The following TBCK variants were observed in gnomAD, a reference collection of about 807,000 sequenced individuals.
The protein encoded by TBCK is TBC1 domain containing kinase.
Under a neutral mutation model 113.4 loss-of-function variants are expected in TBCK, and 99 were observed. The observed-to-expected ratio is 0.87, with a 90% CI of 0.74 to 1.03. The LOEUF (loss-of-function observed/expected upper bound fraction) is 1.03, where lower values mean the gene tolerates loss of function less well. TBCK is among the 50% of genes least tolerant of loss of function. The pLI is 0.00. For synonymous variants in TBCK, 369 were observed against 370.8 expected, an observed-to-expected ratio of 1.00 and a Z score of 0.05; for missense variants, 1,045 against 1,061.3, an observed-to-expected ratio of 0.98 and a Z score of 0.21.
At chr4:106,265,282 T>TGCTATGAGGTAC in intron 3 of TBCK, among the ~76,000 whole-genome samples, 1 of 152,062 alleles carries the variant, frequency 6.6e-6, no homozygotes, top group South Asian at 2.1e-4. Context: ...TATATATATC[T>TGCTATGAGGTAC]ATGAGGTACA....
At chr4:106,053,508 G>C (rs1735047723) in intron 25 of TBCK, among the ~76,000 whole-genome samples, 1 of 151,498 alleles carries the variant, frequency 6.6e-6, no homozygotes, top group South Asian at 2.1e-4. Context: ...CATCTCCCTT[G>C]GTGGATTTAT....
chr4:106,272,399 A>G (rs1405903541), intron 3 of TBCK, among the ~76,000 whole-genome samples: 2 of 152,082 alleles, frequency 1.3e-5, no homozygotes, highest in Admixed American at 6.6e-5. Context: ...AGAACTCATC[A>G]ACTTAATTTC....
At chr4:106,285,552 G>GATTTAAA (rs1765033806) in intron 3 of TBCK, among the ~76,000 whole-genome samples, 1 of 151,800 alleles carries the variant, frequency 6.6e-6, no homozygotes, top group South Asian at 2.1e-4. Flanking sequence ...TCCCACCAAA[G>GATTTAAA]ATTTAAAATT....
intron 23 of TBCK, among the ~76,000 whole-genome samples, chr4:106,123,538 G>C (rs963180779): frequency 3.9e-5 from 6 of 152,000 alleles, no homozygotes; most frequent in African/African-American, 1.5e-4. Context: ...AGTTCATATG[G>C]AACCAAAAAA....
At chr4:106,177,397 C>CA (rs1271341059) in intron 22 of TBCK, among the ~76,000 whole-genome samples, 4 of 151,766 alleles carry the variant, frequency 2.6e-5, no homozygotes, top group Non-Finnish European at 5.9e-5. Context: ...GGTCTGACCT[C>CA]AAAAATCCTT....
intron 25 of TBCK, among the ~76,000 whole-genome samples, chr4:106,093,971 G>A (rs1254848316): frequency 6.6e-6 from 1 of 152,138 alleles, no homozygotes; most frequent in East Asian, 1.9e-4. Flanking sequence ...TGATGGGGGA[G>A]GCTGATAATG....
At chr4:106,210,718 T>C (rs1481644370) in intron 20 of TBCK, among the ~76,000 whole-genome samples, 1 of 152,194 alleles carries the variant, frequency 6.6e-6, no homozygotes, top group African/African-American at 2.4e-5. Context: ...ACTTGTAGTA[T>C]TTGATGAGTG....
intron 3 of TBCK, among the ~76,000 whole-genome samples, chr4:106,270,216 T>C (rs946260146): frequency 6.6e-6 from 1 of 152,214 alleles, no homozygotes; most frequent in Non-Finnish European, 1.5e-5. Context: ...TCTCCAACTA[T>C]TCTCCTGACA....
chr4:106,085,270 G>GA (rs1326812275), intron 25 of TBCK, among the ~76,000 whole-genome samples: 1 of 123,338 alleles, frequency 8.1e-6, no homozygotes, highest in Non-Finnish European at 1.8e-5. Context: ...CAAATGGAAA[G>GA]AAAAACAAAA....
intron 22 of TBCK, among the ~76,000 whole-genome samples, chr4:106,171,694 G>C (rs530107675): frequency 1.3e-5 from 2 of 152,230 alleles, no homozygotes; most frequent in South Asian, 4.1e-4. Flanking sequence ...GGAATAGGTA[G>C]ACAAAAGATT....
chr4:106,080,978 T>A (rs1463235632), intron 25 of TBCK, among the ~76,000 whole-genome samples: 1 of 152,172 alleles, frequency 6.6e-6, no homozygotes, highest in East Asian at 1.9e-4. Context: ...AGATACCATC[T>A]CATGCCAGTC....
At chr4:106,112,521 T>A (rs1442166418) in intron 24 of TBCK, among the ~76,000 whole-genome samples, 1 of 152,218 alleles carries the variant, frequency 6.6e-6, no homozygotes, top group Non-Finnish European at 1.5e-5. Context: ...CTCAGAGGGC[T>A]GAGATTGGAG....
In TBCK at chr4:106,140,286, A is replaced by T. The variant is rs567340248; in HGVS notation, c.2236-23908T>A. ...ACATTTCAACACATATATTTTATTTAAAAAAAGTTTAAGTTCTTTTGCATT... is the reference window on the plus strand; with the variant it reads ...ACATTTCAACACATATATTTTATTTTAAAAAAGTTTAAGTTCTTTTGCATT... On this transcript the variant is annotated intron_variant, in intron 23 of 25. Transcript: ENST00000394708. Among the ~76,000 whole-genome samples the T allele has an allele frequency of 9.3e-5, 13 of 140,446 alleles. 1 individual carries two copies. Among genetic ancestry groups the T allele is most frequent in the Admixed American group, 4.9e-4 (7 of 14,322 alleles). 92.1% of individuals were successfully genotyped at this position (140,446 alleles called of 152,430 possible).
chr4:106,094,394 C>CT lies in TBCK; in HGVS notation c.2571+1087dup, dbSNP rs1050731951. ...CTCCCAGGTGGTAAAATCATGCATA[C>CT]TTTTTATTTCCTTTTTTGGTCTCTC... is the stretch of plus-strand genomic sequence containing the variant. On this transcript the variant is annotated intron_variant, in intron 25 of 25. Coordinates refer to ENST00000394708, the MANE Select transcript of TBCK (RefSeq NM_001163435.3). Among the ~76,000 whole-genome samples, 5 of 151,934 alleles carry CT rather than the reference C, an allele frequency of 3.3e-5. No individual in the cohort carries two copies. The East Asian group carries it at 5.8e-4, about 18-fold the overall frequency.
At position 106,181,180 on chromosome 4, in the gene TBCK, C is replaced by G. The variant is rs992827419; in HGVS notation, c.2060-9910G>C. On this transcript the variant is annotated intron_variant, in intron 22 of 25. Coordinates refer to ENST00000394708, the MANE Select transcript of TBCK (RefSeq NM_001163435.3). ...ATAAATGTCTTCTTTTGAGAAGTGTCTGTTCATATCCTTTGCCCATTTTTT... is the reference window on the plus strand; with the variant it reads ...ATAAATGTCTTCTTTTGAGAAGTGTGTGTTCATATCCTTTGCCCATTTTTT... Among the ~76,000 whole-genome samples, 44 of 152,162 alleles carry G rather than the reference C, an allele frequency of 2.9e-4. 1 individual carries two copies. Among genetic ancestry groups the G allele is most frequent in the Non-Finnish European group, 4.4e-5 (3 of 68,030 alleles).
chr4:106,162,295 T>G (rs887913213), intron 23 of TBCK, among the ~76,000 whole-genome samples: 20 of 152,170 alleles, frequency 1.3e-4, no homozygotes, highest in African/African-American at 4.6e-4. Context: ...CAGCCCCGCC[T>G]CTGTGGCTTT....
At chr4:106,124,770 A>G (rs1284022305) in intron 23 of TBCK, among the ~76,000 whole-genome samples, 3 of 151,920 alleles carry the variant, frequency 2.0e-5, no homozygotes, top group Non-Finnish European at 4.4e-5. Flanking sequence ...CAAACACCGC[A>G]TATTCTCACT....
chr4:106,267,836 G>A (rs546207623), intron 3 of TBCK, among the ~76,000 whole-genome samples: 4 of 151,900 alleles, frequency 2.6e-5, no homozygotes, highest in South Asian at 2.1e-4. Context: ...TGATTAAATC[G>A]TCCATAAATC....
At chr4:106,073,121 C>T (rs995289374) in intron 25 of TBCK, among the ~76,000 whole-genome samples, 7 of 152,176 alleles carry the variant, frequency 4.6e-5, no homozygotes, top group South Asian at 2.1e-4. Flanking sequence ...AGTCATTCTC[C>T]GTCCACCTTT....
Sources: allele counts gnomAD v4.1 joint callset (sites outside exome capture counted in the v4.1 genomes callset), GRCh38; gene constraint gnomAD v4.1.1; transcripts MANE v1.5; gene names NCBI Gene and HGNC (gene_info 2026-07-23, HGNC 2026-07-21).